The following COL19A1 variants were observed in gnomAD, a reference collection of about 807,000 sequenced individuals.
COL19A1 encodes collagen type XIX alpha 1 chain, also known as collagen alpha-1(XIX) chain.
COL19A1 carries 159 observed loss-of-function variants against 190.2 expected under a neutral mutation model. The ratio of observed to expected loss-of-function variants is 0.84; its 90% CI spans 0.73 to 0.95. The LOEUF is 0.95. COL19A1 is among the 40% of genes least tolerant of loss of function. The pLI is 0.00. For missense variants in COL19A1, 1,418 were observed against 1,431.9 expected, an observed-to-expected ratio of 0.99 and a Z score of 0.16; for synonymous variants, 509 against 458.9, an observed-to-expected ratio of 1.11 and a Z score of -1.39.
intron 1 of COL19A1, among the ~76,000 whole-genome samples, chr6:69,874,444 G>A (rs547289652): frequency 3.3e-5 from 5 of 152,252 alleles, no homozygotes; most frequent in African/African-American, 7.2e-5. Flanking sequence ...CTCAAATAGC[G>A]AACACATTTT....
At chr6:69,873,507 C>CCAACT (rs1767958867) in intron 1 of COL19A1, among the ~76,000 whole-genome samples, 1 of 152,184 alleles carries the variant, frequency 6.6e-6, no homozygotes, top group Non-Finnish European at 1.5e-5. Flanking sequence ...AGGCCAGAGG[C>CCAACT]CAACTCATCC....
intron 9 of COL19A1, among the ~76,000 whole-genome samples, chr6:69,943,655 G>A (rs1773612106): frequency 6.6e-6 from 1 of 152,070 alleles, no homozygotes; most frequent in Non-Finnish European, 1.5e-5. Flanking sequence ...CAAAAAGACT[G>A]TCCTTTCCTC....
chr6:69,970,227 C>A (rs1775347297), intron 11 of COL19A1, among the ~76,000 whole-genome samples: 3 of 152,256 alleles, frequency 2.0e-5, no homozygotes, highest in Non-Finnish European at 4.4e-5. Context: ...GATTTATCAA[C>A]TTTACTTCAT....
At chr6:70,024,894 T>A (rs1437804394) in intron 12 of COL19A1, among the ~76,000 whole-genome samples, 1 of 152,116 alleles carries the variant, frequency 6.6e-6, no homozygotes, top group Non-Finnish European at 1.5e-5. Context: ...CTTACTCCTG[T>A]CATTGGAGGC....
intron 11 of COL19A1, among the ~76,000 whole-genome samples, chr6:69,971,998 T>G (rs1004025265): frequency 1.3e-5 from 2 of 152,236 alleles, no homozygotes; most frequent in Non-Finnish European, 2.9e-5. Context: ...CCTGCAAAGT[T>G]GGACGTAGAT....
At chr6:69,986,443 CG>C (rs1379773958) in intron 11 of COL19A1, among the ~76,000 whole-genome samples, 1 of 151,996 alleles carries the variant, frequency 6.6e-6, no homozygotes, top group Non-Finnish European at 1.5e-5. Flanking sequence ...ATCACAATCT[CG>C]TGGGTGCTTA....
At chr6:70,178,252 C>T (rs1765937941) in intron 42 of COL19A1, among the ~76,000 whole-genome samples, 1 of 152,008 alleles carries the variant, frequency 6.6e-6, no homozygotes. Flanking sequence ...AGCTGGGCAC[C>T]TTTAGTCCCA....
chr6:69,969,727 G>A (rs1775316212), intron 11 of COL19A1, among the ~76,000 whole-genome samples: 1 of 152,066 alleles, frequency 6.6e-6, no homozygotes, highest in Non-Finnish European at 1.5e-5. Context: ...AGCATCCATG[G>A]ACTTTGTTAT....
intron 10 of COL19A1, among the ~76,000 whole-genome samples, chr6:69,961,471 T>A (rs1017389892): frequency 1.3e-5 from 2 of 152,208 alleles, no homozygotes; most frequent in African/African-American, 4.8e-5. Flanking sequence ...AGCAGCTGTT[T>A]GTGGTGGCTG....
intron 4 of COL19A1, among the ~76,000 whole-genome samples, chr6:69,925,381 A>G (rs150634346): frequency 0.013 from 1,938 of 152,252 alleles, 43 homozygotes; most frequent in African/African-American, 0.037. Flanking sequence ...GGTTTCTCAA[A>G]GATCAGATGT....
At chr6:70,017,717 A>T (rs560832113) in intron 11 of COL19A1, among the ~76,000 whole-genome samples, 1 of 152,252 alleles carries the variant, frequency 6.6e-6, no homozygotes, top group East Asian at 1.9e-4. Flanking sequence ...CAGAGGTAGA[A>T]TAAAAATGAA....
intron 27 of COL19A1, 131 bp downstream of exon 27, chr6:70,147,020 C>T (rs573399085): frequency 4.7e-5 from 35 of 737,010 alleles, no homozygotes; most frequent in Non-Finnish European, 7.2e-5. Context: ...CCAGAGATGA[C>T]TGATCAGCAT....
intron 9 of COL19A1, among the ~76,000 whole-genome samples, chr6:69,952,151 A>G (rs550344651): frequency 1.3e-5 from 2 of 152,022 alleles, no homozygotes; most frequent in East Asian, 3.9e-4. Context: ...GTGTTCACCT[A>G]TTAAGAATCA....
In COL19A1 at chr6:70,168,200, G is replaced by A. The variant is rs1554220474; in HGVS notation, c.2526G>A (p.Gly842=). The A allele has an allele frequency of 3.1e-6, 5 of 1,612,792 alleles. No homozygotes were observed. The highest frequency in any genetic ancestry group is 2.7e-5 in the African/African-American group (2 of 74,888). ...GTGTGAATGTTCCCAGTTACCCAGG[G>A]CCACCCGGTCCTCCTGTAAGTACAG... ...KGGVNVPSYP[G]PPGPPGPKGD... The change falls in exon 39 of 51, where the codon GGG becomes GGA. Residue 842 remains glycine (G), a synonymous_variant. Coordinates refer to ENST00000620364, the MANE Select transcript of COL19A1 (RefSeq NM_001858.6).
At chr6:69,968,132 A>G (rs1472039426) in intron 11 of COL19A1, among the ~76,000 whole-genome samples, 1 of 152,164 alleles carries the variant, frequency 6.6e-6, no homozygotes, top group African/African-American at 2.4e-5. Context: ...TGATTTTATT[A>G]GCACTAATTT....
chr6:70,162,297 C>G (rs776598693), intron 35 of COL19A1, among the ~76,000 whole-genome samples: 2 of 130,606 alleles, frequency 1.5e-5, no homozygotes, highest in Non-Finnish European at 3.3e-5. Flanking sequence ...GCACCACAAA[C>G]TGAGAATTTA....
At chr6:69,905,068 C>G (rs1201196924) in intron 4 of COL19A1, among the ~76,000 whole-genome samples, 1 of 152,128 alleles carries the variant, frequency 6.6e-6, no homozygotes, top group South Asian at 2.1e-4. Context: ...ACCACTGACA[C>G]CAGGTACCAC....
chr6:69,920,507 C>G (rs1255363901), intron 4 of COL19A1, among the ~76,000 whole-genome samples: 3 of 152,124 alleles, frequency 2.0e-5, no homozygotes, highest in African/African-American at 7.2e-5. Context: ...AGAGCTGGCT[C>G]CCTCCCTCAG....
intron 4 of COL19A1, among the ~76,000 whole-genome samples, chr6:69,921,412 A>G (rs1324148373): frequency 1.4e-5 from 1 of 73,394 alleles, no homozygotes; most frequent in Non-Finnish European, 2.4e-5. Flanking sequence ...CATATATATC[A>G]TATATCATAT....
Sources: gnomAD v4.1 joint callset for allele counts (sites outside exome capture counted in the v4.1 genomes callset) on GRCh38, gnomAD v4.1.1 for gene constraint, MANE v1.5 for transcripts, NCBI Gene and HGNC (gene_info 2026-07-23, HGNC 2026-07-21) for gene names.